Variants in ZNF732 observed in about 807,000 individuals in gnomAD.
ZNF732 encodes the protein zinc finger protein 732, also known as zinc finger protein LOC654254.
In ZNF732, 12 loss-of-function variants were observed where a neutral mutation model predicts 11.5. The observed-to-expected ratio is 1.05, with a 90% CI of 0.67 to 1.70. The LOEUF is 1.70. Among genes scored for constraint, ZNF732 ranks in the 40% most tolerant of loss-of-function variants. ZNF732 has a pLI of 0.00. For missense variants in ZNF732, 702 were observed against 676.9 expected (o/e 1.04, Z -0.41); for synonymous variants, 231 against 236.5 (o/e 0.98, Z 0.21).
chr4:272,241 AT>A lies in ZNF732; in HGVS notation c.615del (p.Lys205AsnfsTer4). The A allele has an allele frequency of 6.2e-7, 1 of 1,609,954 alleles. No homozygotes were observed. Among genetic ancestry groups the A allele is most frequent in the Non-Finnish European group, 8.5e-7 (1 of 1,178,168 alleles). On this transcript the variant is annotated frameshift_variant, in exon 4 of 4. Coordinates refer to ENST00000419098, the MANE Select transcript of ZNF732 (RefSeq NM_001137608.3). LOFTEE classifies it low-confidence loss of function (END_TRUNC). ...YTCEECGKDF[K>X]WYLIFNEYEI... ...TCATATTCATTAAAGATTAAATACC[AT>A]TTAAAGTCTTTGCCACATTCTTCAC...
intron 3 of ZNF732, among the ~76,000 whole-genome samples, chr4:274,198 CAT>C (rs1719446683): frequency 6.6e-6 from 1 of 151,574 alleles, no homozygotes; most frequent in Admixed American, 6.6e-5. Flanking sequence ...AACTGTTCAT[CAT>C]AATCTGGTAA....
intron 1 of ZNF732, among the ~76,000 whole-genome samples, chr4:299,439 A>G (rs1280173139): frequency 0.056 from 2,548 of 45,806 alleles, 382 homozygotes; most frequent in African/African-American, 0.17. Context: ...ATATGTGTAT[A>G]TATATATATA....
Position 270,914 on chromosome 4 carries a change from T to C in ZNF732, c.*185A>G. The C allele has an allele frequency of 1.3e-6, 1 of 749,276 alleles. No individual in the cohort carries two copies. 46.4% of individuals were successfully genotyped at this position (749,276 alleles called of 1,614,324 possible). ...AGGTATGCGGACTGTTTGAAGGCTT[T>C]CCCACATTCTTTACATTTGTAGGGT... On this transcript the variant is annotated 3_prime_UTR_variant, in exon 4 of 4. Transcript: ENST00000419098.
intron 3 of ZNF732, among the ~76,000 whole-genome samples, chr4:283,150 C>T (rs1446227198): frequency 1.3e-5 from 2 of 152,046 alleles, no homozygotes; most frequent in Non-Finnish European, 2.9e-5. Flanking sequence ...ATGAGTGGGT[C>T]TATCATAAAA....
At chr4:298,661 G>C (rs1370950261) in intron 1 of ZNF732, among the ~76,000 whole-genome samples, 1 of 152,144 alleles carries the variant, frequency 6.6e-6, no homozygotes, top group African/African-American at 2.4e-5. Context: ...AGGCAGGAGA[G>C]ATTCAGGCTC....
rs34118991 is a variant in ZNF732, at chr4:292,890, C to CAAAAAAAAAAA, written c.226+2537_226+2547dup. On this transcript the variant is annotated intron_variant, in intron 3 of 3. Coordinates refer to ENST00000419098, the MANE Select transcript of ZNF732 (RefSeq NM_001137608.3). ...TGAAACTCTGTCTCTACTAAAAACA[C>CAAAAAAAAAAA]AAAAAAAAAAAAAAAAAAAAAAAAA... 5.9e-4 allele frequency among the ~76,000 whole-genome samples: 47 copies of CAAAAAAAAAAA among 79,488 alleles called. 3 individuals carry two copies. Among genetic ancestry groups the CAAAAAAAAAAA allele is most frequent in the East Asian group, 1.2e-3 (3 of 2,538 alleles). The allele number at this position is 79,488 out of a possible 152,430, so 52.1% of individuals were successfully genotyped here.
intron 3 of ZNF732, 105 bp downstream of exon 3, chr4:295,330 AATT>A (rs1250612665): frequency 1.9e-5 from 16 of 848,000 alleles, no homozygotes; most frequent in Non-Finnish European, 2.8e-5. Flanking sequence ...CCTTTTCAGA[AATT>A]ATTTTCACTG....
intron 3 of ZNF732, among the ~76,000 whole-genome samples, chr4:277,431 AACAC>A (rs1231470118): frequency 2.0e-5 from 3 of 152,096 alleles, no homozygotes; most frequent in African/African-American, 7.2e-5. Context: ...TAACAAAAAT[AACAC>A]ACAATTTAAA....
intron 3 of ZNF732, among the ~76,000 whole-genome samples, chr4:285,916 A>G (rs1319116945): frequency 6.6e-6 from 1 of 152,042 alleles, no homozygotes; most frequent in African/African-American, 2.4e-5. Flanking sequence ...ATGTTTATCT[A>G]TTTTTTGGTA....
At chr4:290,946 T>A (rs1262900691) in intron 3 of ZNF732, among the ~76,000 whole-genome samples, 1 of 152,050 alleles carries the variant, frequency 6.6e-6, no homozygotes, top group East Asian at 1.9e-4. Context: ...CATTGTTAAA[T>A]CCTTAAAATA....
Position 270,815 on chromosome 4 carries a change from A to G in ZNF732, c.*284T>C, listed in dbSNP as rs1719334553. On this transcript the variant is annotated 3_prime_UTR_variant, in exon 4 of 4. Transcript: ENST00000419098. ...TTCTTATGTTCACTCAGGGTTGTGG[A>G]CCATCTAAAAGCTTTGCCACATTCT... The G allele has an allele frequency of 1.6e-6, 1 of 626,362 alleles. No individual in the cohort carries two copies. The allele number at this position is 626,362 out of a possible 1,614,324, so 38.8% of individuals were successfully genotyped here.
intron 1 of ZNF732, 88 bp downstream of exon 1, chr4:305,220 C>A (rs1220241953): frequency 1.8e-5 from 28 of 1,513,892 alleles, no homozygotes; most frequent in Non-Finnish European, 2.5e-5. Context: ...GCGGAGACTC[C>A]GTTCGCAGAC....
intron 1 of ZNF732, among the ~76,000 whole-genome samples, chr4:302,595 C>T (rs1164527678): frequency 2.0e-5 from 3 of 152,146 alleles, no homozygotes; most frequent in East Asian, 1.9e-4. Context: ...GCCTATTAGT[C>T]GCCTACAGAA....
Position 270,819 on chromosome 4 carries a change from TC to T in ZNF732, c.*279del. 4.7e-6 allele frequency: 3 copies of T among 636,000 alleles called. No homozygotes were observed. Among genetic ancestry groups the T allele is most frequent in the Non-Finnish European group, 8.9e-6 (3 of 338,632 alleles). 39.4% of individuals were successfully genotyped at this position (636,000 alleles called of 1,614,324 possible). A position where few individuals can be genotyped will look rare whatever the true frequency, so the allele number is the denominator to read the frequency against. On this transcript the variant is annotated 3_prime_UTR_variant, in exon 4 of 4. Coordinates refer to ENST00000419098, the MANE Select transcript of ZNF732 (RefSeq NM_001137608.3). Reference sequence around the variant, plus strand: ...TATGTTCACTCAGGGTTGTGGACCATCTAAAAGCTTTGCCACATTCTTCACA... The same window carrying T: ...TATGTTCACTCAGGGTTGTGGACCATTAAAAGCTTTGCCACATTCTTCACA...
At position 285,624 on chromosome 4, in the gene ZNF732, C is replaced by T. The variant is rs562508327; in HGVS notation, c.226+9814G>A. On this transcript the variant is annotated intron_variant, in intron 3 of 3. Coordinates refer to ENST00000419098, the MANE Select transcript of ZNF732 (RefSeq NM_001137608.3). ...CTTTGAGTACTCAGTCCCCTCTCAC[C>T]CCCGGAGGATACCTAGAATCACAAG... Among the ~76,000 whole-genome samples, 116 of 152,266 alleles carry T rather than the reference C, an allele frequency of 7.6e-4. 1 individual carries two copies. The highest frequency in any genetic ancestry group is 1.6e-3 in the Admixed American group (25 of 15,292).
Position 287,157 on chromosome 4 carries a change from A to C in ZNF732, c.226+8281T>G, listed in dbSNP as rs569137151. Among the ~76,000 whole-genome samples, 79 of 152,262 alleles carry C rather than the reference A, an allele frequency of 5.2e-4. 1 individual carries two copies. Among genetic ancestry groups the C allele is most frequent in the African/African-American group, 1.9e-3 (77 of 41,552 alleles). On this transcript the variant is annotated intron_variant, in intron 3 of 3. Transcript: ENST00000419098. ...CAGAGCAAGACTCCGTCGCAAAACA[A>C]AACTAGAAATCAAAAGCAGAAGCAA...
intron 1 of ZNF732, 64 bp downstream of exon 1, chr4:305,244 C>G: frequency 6.3e-7 from 1 of 1,579,492 alleles, no homozygotes; most frequent in African/African-American, 1.4e-5. Context: ...GTCCCGCCGC[C>G]GCCATTTCCC....
In ZNF732 at chr4:279,525, A is replaced by G. The variant is rs113970876; in HGVS notation, c.227-6895T>C. Among the ~76,000 whole-genome samples the G allele has an allele frequency of 2.1e-3, 324 of 152,202 alleles. 1 individual carries two copies. The highest frequency in any genetic ancestry group is 7.4e-3 in the African/African-American group (309 of 41,528). On this transcript the variant is annotated intron_variant, in intron 3 of 3. Transcript: ENST00000419098. ...ATAAAAATCAGTCAAAATTATAGAA[A>G]TAGTAAGTAAAATGGTGTTCTTCAG...
chr4:291,717 C>G (rs1719845671), intron 3 of ZNF732, among the ~76,000 whole-genome samples: 2 of 152,146 alleles, frequency 1.3e-5, no homozygotes, highest in Non-Finnish European at 2.9e-5. Flanking sequence ...ATAGTAAACA[C>G]AATTGTAAAA....
Sources: gnomAD v4.1 joint callset for allele counts (sites outside exome capture counted in the v4.1 genomes callset) on GRCh38, gnomAD v4.1.1 for gene constraint, MANE v1.5 for transcripts, NCBI Gene and HGNC (gene_info 2026-07-23, HGNC 2026-07-21) for gene names.